CSMD1: variants seen among roughly 807,000 people sequenced by gnomAD.
CSMD1 encodes CUB and sushi domain-containing protein 1.
In CSMD1, 213 loss-of-function variants were observed where a neutral mutation model predicts 417.5. That is an observed-to-expected ratio of 0.51 (90% CI 0.46 to 0.57). CSMD1 has a LOEUF of 0.57. Among genes scored for constraint, CSMD1 ranks in the 20% least tolerant of loss-of-function variants. The probability of loss-of-function intolerance (pLI) is 0.00; values close to 1 mark genes in which losing one functional copy is unlikely to be tolerated. For missense variants in CSMD1, 6,923 were observed against 4,529.7 expected (o/e 1.53, Z -15.17); for synonymous variants, 2,862 against 1,736.8 (o/e 1.65, Z -16.11).
chr8:3,262,839 C>G (rs1801180854), intron 26 of CSMD1, among the ~76,000 whole-genome samples: 1 of 152,044 alleles, frequency 6.6e-6, no homozygotes, highest in African/African-American at 2.4e-5. Flanking sequence ...CTACAATCTA[C>G]AAAAATGTAT....
chr8:3,607,708 T>G (rs974370550), intron 8 of CSMD1, among the ~76,000 whole-genome samples: 1 of 152,222 alleles, frequency 6.6e-6, no homozygotes, highest in Non-Finnish European at 1.5e-5. Flanking sequence ...CAAAAAATTT[T>G]ACGGAGAACT....
At chr8:3,240,787 ACAAT>A (rs569584644) in intron 26 of CSMD1, among the ~76,000 whole-genome samples, 67 of 152,314 alleles carry the variant, frequency 4.4e-4, no homozygotes, top group African/African-American at 1.6e-3. Flanking sequence ...GATAGGCAAA[ACAAT>A]CTGGTTGATA....
intron 21 of CSMD1, among the ~76,000 whole-genome samples, chr8:3,354,983 A>C (rs367602221): frequency 6.7e-6 from 1 of 148,974 alleles, no homozygotes; most frequent in African/African-American, 2.6e-5. Context: ...AACTAGATAT[A>C]AATTAAACTA....
chr8:3,640,632 G>C (rs571060683), intron 7 of CSMD1, among the ~76,000 whole-genome samples: 2 of 152,308 alleles, frequency 1.3e-5, no homozygotes, highest in South Asian at 2.1e-4. Context: ...CAGTCGTCCT[G>C]CTACGTAAAT....
chr8:2,967,942 G>A (rs892313453), intron 57 of CSMD1, among the ~76,000 whole-genome samples: 2 of 152,196 alleles, frequency 1.3e-5, no homozygotes, highest in African/African-American at 4.8e-5. Flanking sequence ...GGTGCTTCCT[G>A]GTCCCGTGCC....
intron 23 of CSMD1, among the ~76,000 whole-genome samples, chr8:3,337,827 G>T (rs928916330): frequency 1.3e-5 from 2 of 152,122 alleles, no homozygotes; most frequent in African/African-American, 4.8e-5. Flanking sequence ...CCTTTGAGTG[G>T]CTCTGCTACA....
chr8:3,073,327 A>G (rs934288000), intron 49 of CSMD1, among the ~76,000 whole-genome samples: 1 of 147,724 alleles, frequency 6.8e-6, no homozygotes, highest in Non-Finnish European at 1.5e-5. Context: ...ATTTTAAATC[A>G]GCAAAAAAAA....
At chr8:3,179,128 G>C (rs1481814681) in intron 37 of CSMD1, among the ~76,000 whole-genome samples, 1 of 151,026 alleles carries the variant, frequency 6.6e-6, no homozygotes, top group Non-Finnish European at 1.5e-5. Flanking sequence ...TGTATTTTTA[G>C]TAGATACGGG....
intron 5 of CSMD1, among the ~76,000 whole-genome samples, chr8:3,996,685 T>C (rs1344244640): frequency 1.3e-5 from 2 of 152,176 alleles, no homozygotes; most frequent in African/African-American, 2.4e-5. Context: ...TCTAAAAGTG[T>C]TGTTCAGCAT....
At chr8:3,181,577 T>G (rs1051992471) in intron 36 of CSMD1, among the ~76,000 whole-genome samples, 1 of 151,992 alleles carries the variant, frequency 6.6e-6, no homozygotes, top group Admixed American at 6.6e-5. Flanking sequence ...CAGCCAAGAG[T>G]AATGAGGGTT....
intron 5 of CSMD1, among the ~76,000 whole-genome samples, chr8:3,931,300 C>T (rs911450882): frequency 6.7e-6 from 1 of 150,364 alleles, no homozygotes; most frequent in African/African-American, 2.5e-5. Context: ...GTGAAATTTT[C>T]AAATAAAATA....
At chr8:2,977,582 A>G (rs1805036469) in intron 55 of CSMD1, among the ~76,000 whole-genome samples, 1 of 152,158 alleles carries the variant, frequency 6.6e-6, no homozygotes, top group Non-Finnish European at 1.5e-5. Flanking sequence ...GTATCATGGG[A>G]TCTAACTAAA....
chr8:3,493,770 TC>T, intron 10 of CSMD1, 44 bp from the exon 11 acceptor site: 15 of 1,513,638 alleles, frequency 9.9e-6, no homozygotes, highest in African/African-American at 2.8e-5. Flanking sequence ...AACAGGTACT[TC>T]CCATGACTTT....
At chr8:3,694,926 C>A (rs1048209298) in intron 7 of CSMD1, among the ~76,000 whole-genome samples, 5 of 151,908 alleles carry the variant, frequency 3.3e-5, no homozygotes, top group South Asian at 2.1e-4. Flanking sequence ...ATTAGCACCA[C>A]GTGTAGCTTG....
At chr8:4,131,667 G>C (rs946297039) in intron 3 of CSMD1, among the ~76,000 whole-genome samples, 8 of 150,074 alleles carry the variant, frequency 5.3e-5, no homozygotes, top group African/African-American at 7.3e-5. Flanking sequence ...TAAAATGTTA[G>C]ATAGACTTCA....
chr8:3,321,971 A>C (rs954897185), intron 23 of CSMD1, among the ~76,000 whole-genome samples: 3 of 152,226 alleles, frequency 2.0e-5, no homozygotes, highest in Admixed American at 6.5e-5. Flanking sequence ...ACAGTTTCAT[A>C]AAGTGTTTTT....
At chr8:4,754,135 G>C (rs1295934382) in intron 1 of CSMD1, among the ~76,000 whole-genome samples, 2 of 152,170 alleles carry the variant, frequency 1.3e-5, no homozygotes, top group African/African-American at 4.8e-5. Context: ...CTTGGTGGTA[G>C]CAATAAAATA....
At chr8:4,875,182 C>T (rs2116931166) in intron 1 of CSMD1, among the ~76,000 whole-genome samples, 1 of 152,048 alleles carries the variant, frequency 6.6e-6, no homozygotes, top group African/African-American at 2.4e-5. Context: ...ATTCGTGTCT[C>T]TTTCTCTGTA....
intron 3 of CSMD1, among the ~76,000 whole-genome samples, chr8:4,339,593 G>C (rs981045248): frequency 5.3e-5 from 8 of 152,084 alleles, no homozygotes; most frequent in African/African-American, 1.4e-4. Flanking sequence ...ATCGTGCAAA[G>C]AACAGGTGGG....
Sources: gnomAD v4.1 joint callset for allele counts (sites outside exome capture counted in the v4.1 genomes callset) on GRCh38, gnomAD v4.1.1 for gene constraint, MANE v1.5 for transcripts, NCBI Gene and HGNC (gene_info 2026-07-23, HGNC 2026-07-21) for gene names.